CENPP: variants seen among roughly 807,000 people sequenced by gnomAD.
CENPP encodes the protein centromere protein P.
A neutral mutation model predicts 35.6 loss-of-function variants in CENPP; 24 were observed. The observed-to-expected ratio is 0.67, with a 90% confidence interval of 0.49 to 0.95. The LOEUF is 0.95. CENPP is among the 40% of genes least tolerant of loss of function. The probability of loss-of-function intolerance (pLI) is 0.00; values close to 1 mark genes in which losing one functional copy is unlikely to be tolerated. For synonymous variants in CENPP, 120 were observed against 125.5 expected, an observed-to-expected ratio of 0.96 and a Z score of 0.29; for missense variants, 332 against 345.3, an observed-to-expected ratio of 0.96 and a Z score of 0.31.
At chr9:92,377,905 A>G (rs545419937) in intron 4 of CENPP, among the ~76,000 whole-genome samples, 67 of 152,074 alleles carry the variant, frequency 4.4e-4, no homozygotes, top group Non-Finnish European at 2.9e-4. Context: ...GGGGTTATTT[A>G]GGATTTCATA....
At chr9:92,531,061 G>C (rs533698913) in intron 5 of CENPP, among the ~76,000 whole-genome samples, 92 of 152,196 alleles carry the variant, frequency 6.0e-4, no homozygotes, top group Non-Finnish European at 1.0e-3. Context: ...ATATTGTGGA[G>C]TTTTTTAATG....
chr9:92,495,189 T>C, intron 5 of CENPP: 1 of 283,514 alleles, frequency 3.5e-6, no homozygotes, highest in Non-Finnish European at 5.3e-6. Flanking sequence ...GAGAAACCTA[T>C]GCAATGAGGC....
intron 5 of CENPP, among the ~76,000 whole-genome samples, chr9:92,445,713 GTC>G (rs1240307179): frequency 6.6e-6 from 1 of 151,986 alleles, no homozygotes; most frequent in Non-Finnish European, 1.5e-5. Context: ...GTAAAACCCT[GTC>G]TCTACTAAAA....
intron 5 of CENPP, among the ~76,000 whole-genome samples, chr9:92,490,312 G>T (rs1228995543): frequency 5.3e-5 from 8 of 152,330 alleles, no homozygotes; most frequent in Admixed American, 5.2e-4. Flanking sequence ...TACAAGAGAT[G>T]AATCTCCATG....
chr9:92,587,483 G>A (rs1226901948), intron 5 of CENPP, among the ~76,000 whole-genome samples: 1 of 152,030 alleles, frequency 6.6e-6, no homozygotes, highest in East Asian at 1.9e-4. Flanking sequence ...AAAAAAGGGG[G>A]GGGACCAATC....
At chr9:92,481,791 GA>G (rs932970144) in intron 5 of CENPP, among the ~76,000 whole-genome samples, 4 of 151,720 alleles carry the variant, frequency 2.6e-5, no homozygotes, top group Non-Finnish European at 5.9e-5. Flanking sequence ...ATTTATCAAG[GA>G]AAAAAATGAA....
intron 5 of CENPP, among the ~76,000 whole-genome samples, chr9:92,567,391 T>TATATAGATAG (rs1554688299): frequency 2.0e-5 from 2 of 98,396 alleles, no homozygotes; most frequent in African/African-American, 1.1e-4. Context: ...TATATATATA[T>TATATAGATAG]ATATAGATAT....
At chr9:92,386,025 T>C (rs914699001) in intron 5 of CENPP, among the ~76,000 whole-genome samples, 1 of 152,232 alleles carries the variant, frequency 6.6e-6, no homozygotes, top group Non-Finnish European at 1.5e-5. Context: ...TCTGGACTTC[T>C]GGGAAGAAAG....
At chr9:92,395,324 C>G (rs1321672880) in intron 5 of CENPP, among the ~76,000 whole-genome samples, 3 of 152,154 alleles carry the variant, frequency 2.0e-5, no homozygotes, top group African/African-American at 7.2e-5. Context: ...TTCTTTTACT[C>G]AGCATTATTA....
At chr9:92,344,881 C>T (rs925408391) in intron 3 of CENPP, among the ~76,000 whole-genome samples, 2 of 149,798 alleles carry the variant, frequency 1.3e-5, no homozygotes, top group African/African-American at 2.4e-5. Context: ...AAAATGGCAT[C>T]TTATCGGCCA....
intron 4 of CENPP, among the ~76,000 whole-genome samples, chr9:92,365,442 G>T (rs1214250206): frequency 8.1e-6 from 1 of 123,796 alleles, no homozygotes; most frequent in Non-Finnish European, 1.6e-5. Flanking sequence ...ACAGAGTCTC[G>T]TGCTCTCACT....
chr9:92,437,247 A>G (rs1844267590), intron 5 of CENPP, among the ~76,000 whole-genome samples: 1 of 152,204 alleles, frequency 6.6e-6, no homozygotes, highest in African/African-American at 2.4e-5. Flanking sequence ...TAGGAATTAC[A>G]TTAAAACTGT....
At chr9:92,428,736 C>A (rs1343671780) in intron 5 of CENPP, among the ~76,000 whole-genome samples, 1 of 152,092 alleles carries the variant, frequency 6.6e-6, no homozygotes, top group African/African-American at 2.4e-5. Context: ...CTTGTTACTT[C>A]CAGTGATGCT....
In CENPP at chr9:92,511,759, A is replaced by G. The variant is rs531942859; in HGVS notation, c.565-99555A>G. Among the ~76,000 whole-genome samples the G allele has an allele frequency of 1.2e-3, 185 of 152,306 alleles. No homozygotes were observed. In the Middle Eastern group the frequency reaches 0.041, roughly 34 times the overall value. On this transcript the variant is annotated intron_variant, in intron 5 of 7. Transcript: ENST00000375587. ...CAGTTACTTGGGAAGAAACTACTCC[A>G]TAAATTAAAATCATTACTTTTGTCA...
intron 4 of CENPP, among the ~76,000 whole-genome samples, chr9:92,362,537 C>G (rs955725011): frequency 1.3e-5 from 2 of 152,306 alleles, no homozygotes; most frequent in East Asian, 1.9e-4. Flanking sequence ...ATAGCTGTCC[C>G]TCATAGGTGA....
At chr9:92,526,345 T>C (rs1848410512) in intron 5 of CENPP, among the ~76,000 whole-genome samples, 1 of 152,208 alleles carries the variant, frequency 6.6e-6, no homozygotes, top group Admixed American at 6.5e-5. Flanking sequence ...TTAAGCCAAG[T>C]GTTATTAAGA....
intron 5 of CENPP, among the ~76,000 whole-genome samples, chr9:92,410,604 T>C (rs1229308170): frequency 6.6e-6 from 1 of 152,164 alleles, no homozygotes; most frequent in African/African-American, 2.4e-5. Flanking sequence ...AATGAAACCC[T>C]TAGTAGTCTC....
intron 5 of CENPP, among the ~76,000 whole-genome samples, chr9:92,398,224 T>G (rs1356481106): frequency 6.6e-6 from 1 of 152,230 alleles, no homozygotes; most frequent in Non-Finnish European, 1.5e-5. Context: ...GAGTTTTTTC[T>G]TCCTTTGCTG....
intron 5 of CENPP, among the ~76,000 whole-genome samples, chr9:92,449,297 C>T (rs542741442): frequency 3.3e-5 from 5 of 151,664 alleles, no homozygotes; most frequent in East Asian, 1.9e-4. Context: ...AAAAATTAGC[C>T]GGGCGTGGTG....
Sources: allele counts gnomAD v4.1 joint callset (sites outside exome capture counted in the v4.1 genomes callset), GRCh38; gene constraint gnomAD v4.1.1; transcripts MANE v1.5; gene names NCBI Gene and HGNC (gene_info 2026-07-23, HGNC 2026-07-21).